The following ERC1 variants were observed in gnomAD, a reference collection of about 807,000 sequenced individuals.
ERC1 encodes the protein ELKS/RAB6-interacting/CAST family member 1, also known as RAB6 interacting protein 2.
ERC1 carries 56 observed loss-of-function variants against 132.0 expected under a neutral mutation model. The observed-to-expected ratio is 0.42, with a 90% CI of 0.34 to 0.53. ERC1 has a LOEUF of 0.53. ERC1 is among the 20% of genes least tolerant of loss of function. The pLI, the probability that ERC1 is intolerant of heterozygous loss-of-function variation, is 0.03. For synonymous variants in ERC1, 478 were observed against 476.1 expected, an observed-to-expected ratio of 1.00 and a Z score of -0.05; for missense variants, 1,202 against 1,349.9, an observed-to-expected ratio of 0.89 and a Z score of 1.72.
chr12:1,185,905 A>G (rs1044912548), intron 11 of ERC1, among the ~76,000 whole-genome samples: 5 of 152,042 alleles, frequency 3.3e-5, no homozygotes, highest in African/African-American at 1.2e-4. Context: ...TATTTCCACC[A>G]TGTTGTGGCT....
At chr12:1,432,869 G>A (rs570085333) in intron 17 of ERC1, among the ~76,000 whole-genome samples, 3 of 152,354 alleles carry the variant, frequency 2.0e-5, no homozygotes, top group East Asian at 3.9e-4. Context: ...TCTAGTGAGC[G>A]TAGCCTCTGG....
chr12:1,018,247 G>A (rs2154143513), intron 1 of ERC1, among the ~76,000 whole-genome samples: 1 of 152,200 alleles, frequency 6.6e-6, no homozygotes, highest in South Asian at 2.1e-4. Flanking sequence ...TGTTGCCCAG[G>A]CTGGAGTGCA....
chr12:1,241,857 T>C (rs1438648639), intron 13 of ERC1, among the ~76,000 whole-genome samples: 34 of 134,828 alleles, frequency 2.5e-4, no homozygotes, highest in Non-Finnish European at 4.0e-4. Flanking sequence ...CTTTTTTTTT[T>C]TTTTTTTTTT....
At position 1,493,116 on chromosome 12, in the gene ERC1, C is replaced by T. The variant is rs1239306195; in HGVS notation, c.*2886C>T. On this transcript the variant is annotated 3_prime_UTR_variant, in exon 19 of 19. Transcript: ENST00000360905. The stretch of plus-strand genomic sequence containing the variant: ...TGTAACTGAAGAAGCCCAGTGTGAG[C>T]TTCTCATCTTTTCATATACCTCTAA... 9.2e-6 allele frequency: 2 copies of T among 217,518 alleles called. No homozygotes were observed. Among genetic ancestry groups the T allele is most frequent in the Non-Finnish European group, 1.9e-5 (2 of 108,092 alleles). 13.5% of individuals were successfully genotyped at this position (217,518 alleles called of 1,614,324 possible).
intron 17 of ERC1, among the ~76,000 whole-genome samples, chr12:1,439,709 G>A (rs2093048823): frequency 6.6e-6 from 1 of 152,170 alleles, no homozygotes; most frequent in Non-Finnish European, 1.5e-5. Flanking sequence ...CATATCTGAT[G>A]ATTTTTAGTA....
intron 18 of ERC1, among the ~76,000 whole-genome samples, chr12:1,449,753 T>C (rs570765100): frequency 3.3e-4 from 50 of 152,308 alleles, no homozygotes; most frequent in Admixed American, 9.8e-4. Context: ...GATTGAAGTG[T>C]TTAGAATATT....
chr12:1,269,106 G>A (rs2077653651), intron 14 of ERC1, among the ~76,000 whole-genome samples: 1 of 152,160 alleles, frequency 6.6e-6, no homozygotes, highest in African/African-American at 2.4e-5. Context: ...CTTATTCAGT[G>A]GGTGCTGTTG....
chr12:1,281,998 C>T (rs1265853809), intron 14 of ERC1, among the ~76,000 whole-genome samples: 2 of 151,734 alleles, frequency 1.3e-5, no homozygotes, highest in South Asian at 2.1e-4. Flanking sequence ...GTGCTTATTA[C>T]GGGATTTATC....
At chr12:1,297,464 G>A (rs1186438592) in intron 15 of ERC1, among the ~76,000 whole-genome samples, 1 of 150,476 alleles carries the variant, frequency 6.6e-6, no homozygotes, top group African/African-American at 2.5e-5. Context: ...CGCTTTGAGA[G>A]GCCAAGGTGG....
intron 12 of ERC1, among the ~76,000 whole-genome samples, chr12:1,192,812 A>G (rs981538347): frequency 2.0e-5 from 3 of 152,200 alleles, no homozygotes; most frequent in Non-Finnish European, 4.4e-5. Flanking sequence ...ACAGCTGATT[A>G]TATGTCAAGT....
chr12:1,068,853 C>T (rs903283555), intron 2 of ERC1, among the ~76,000 whole-genome samples: 1 of 152,004 alleles, frequency 6.6e-6, no homozygotes, highest in Non-Finnish European at 1.5e-5. Flanking sequence ...ATACGTAGAG[C>T]GTGAAGATGG....
chr12:1,188,568 T>C (rs1955372688), intron 11 of ERC1, among the ~76,000 whole-genome samples: 1 of 152,256 alleles, frequency 6.6e-6, no homozygotes. Context: ...ATACTTCATA[T>C]GTGTATCAAG....
chr12:1,388,938 G>C (rs1257524200), intron 16 of ERC1, among the ~76,000 whole-genome samples: 4 of 152,164 alleles, frequency 2.6e-5, no homozygotes, highest in Admixed American at 2.0e-4. Flanking sequence ...TGAGGAAGCT[G>C]CCCTCCATGC....
chr12:1,371,057 C>T (rs1048941829), intron 15 of ERC1, among the ~76,000 whole-genome samples: 12 of 152,214 alleles, frequency 7.9e-5, no homozygotes, highest in Non-Finnish European at 5.9e-5. Context: ...GAAGACAACA[C>T]GGGATCTACC....
chr12:1,395,670 G>T (rs932424940), intron 16 of ERC1, among the ~76,000 whole-genome samples: 1 of 149,286 alleles, frequency 6.7e-6, no homozygotes, highest in African/African-American at 2.5e-5. Context: ...TGGGTTATGT[G>T]TCTGGGTTAT....
chr12:1,298,095 C>CA (rs563440154), intron 15 of ERC1, among the ~76,000 whole-genome samples: 54 of 149,980 alleles, frequency 3.6e-4, no homozygotes, highest in South Asian at 1.3e-3. Flanking sequence ...TGGTCTCTAA[C>CA]AAAAAAAAGA....
At chr12:1,200,335 T>C (rs183427942) in intron 12 of ERC1, among the ~76,000 whole-genome samples, 1 of 152,268 alleles carries the variant, frequency 6.6e-6, no homozygotes, top group East Asian at 1.9e-4. Flanking sequence ...TTCCCTTTAT[T>C]TGTTTGTGGG....
intron 7 of ERC1, among the ~76,000 whole-genome samples, chr12:1,139,448 G>C (rs1949663997): frequency 6.6e-6 from 1 of 152,090 alleles, no homozygotes; most frequent in Non-Finnish European, 1.5e-5. Flanking sequence ...ACTAGTTATT[G>C]TTGTTAATCT....
chr12:1,122,289 ATCTCTATCTCTATCTGTGTCTCTATCTC>A (rs1566019147), intron 7 of ERC1, among the ~76,000 whole-genome samples: 2 of 1,144 alleles, frequency 1.7e-3, no homozygotes, highest in East Asian at 0.083. Flanking sequence ...CTCTATCTCT[ATCTCTATCTCTATCTGTGTCTCTATCTC>A]TATCTCTATC....
Sources: allele counts gnomAD v4.1 joint callset (sites outside exome capture counted in the v4.1 genomes callset), GRCh38; gene constraint gnomAD v4.1.1; transcripts MANE v1.5; gene names NCBI Gene and HGNC (gene_info 2026-07-23, HGNC 2026-07-21).